Variants in NR3C2 observed in about 807,000 individuals in gnomAD.
NR3C2 encodes nuclear receptor subfamily 3 group C member 2.
In NR3C2, 15 loss-of-function variants were observed where a neutral mutation model predicts 86.4. The ratio of observed to expected loss-of-function variants is 0.17; its 90% confidence interval spans 0.12 to 0.27. The LOEUF is 0.27. Ranked by LOEUF, NR3C2 falls within the 10% of genes least tolerant of loss-of-function variation. The pLI is 1.00. For missense variants in NR3C2, 960 were observed against 1,195.6 expected (o/e 0.80, Z 2.91); for synonymous variants, 458 against 450.5 (o/e 1.02, Z -0.21).
chr4:148,294,166 G>A (rs563504217), intron 2 of NR3C2, among the ~76,000 whole-genome samples: 5 of 152,266 alleles, frequency 3.3e-5, no homozygotes, highest in Admixed American at 1.3e-4. Context: ...TTAGCAATAC[G>A]TGATCTTGAA....
chr4:148,253,256 A>G (rs571013008), intron 3 of NR3C2, among the ~76,000 whole-genome samples: 1 of 152,168 alleles, frequency 6.6e-6, no homozygotes. Flanking sequence ...GATTCCCTCA[A>G]TATCATGTTT....
At chr4:148,178,102 C>T (rs1167590358) in intron 4 of NR3C2, among the ~76,000 whole-genome samples, 3 of 152,188 alleles carry the variant, frequency 2.0e-5, no homozygotes, top group Non-Finnish European at 4.4e-5. Context: ...CTTTGAGAGG[C>T]CAAGGCGGGG....
intron 2 of NR3C2, among the ~76,000 whole-genome samples, chr4:148,332,728 A>G (rs965288966): frequency 1.3e-5 from 2 of 152,206 alleles, no homozygotes; most frequent in African/African-American, 2.4e-5. Flanking sequence ...CAAAGAGCAC[A>G]TGGTGCAATG....
intron 8 of NR3C2, among the ~76,000 whole-genome samples, chr4:148,104,051 C>T (rs146506427): frequency 6.6e-6 from 1 of 152,138 alleles, no homozygotes; most frequent in African/African-American, 2.4e-5. Flanking sequence ...ACAAGTCAGC[C>T]AGAGCAATGT....
chr4:148,366,190 C>CA lies in NR3C2; in HGVS notation c.1757+68913dup, dbSNP rs113149160. Among the ~76,000 whole-genome samples, 415 of 149,476 alleles carry CA rather than the reference C, an allele frequency of 2.8e-3. 1 individual carries two copies. The highest frequency in any genetic ancestry group is 8.2e-3 in the African/African-American group (335 of 40,796). ...GACAAATTTACTTTGGTTTCCAAAT[C>CA]AAAAAAAAATAACAAAGCAGGTGTA... On this transcript the variant is annotated intron_variant, in intron 2 of 8. Transcript: ENST00000358102.
At chr4:148,260,668 T>C (rs1277239500) in intron 2 of NR3C2, among the ~76,000 whole-genome samples, 1 of 152,208 alleles carries the variant, frequency 6.6e-6, no homozygotes, top group Non-Finnish European at 1.5e-5. Context: ...TGTTATCTTA[T>C]ATAGATGTGT....
upstream of NR3C2, chr4:148,444,341 C>T (rs1750492126): frequency 2.0e-6 from 2 of 985,446 alleles, no homozygotes; most frequent in African/African-American, 1.7e-5. Flanking sequence ...ATCACTCGCC[C>T]GCCACCCAGC....
chr4:148,161,543 C>T (rs1369172985), intron 4 of NR3C2, among the ~76,000 whole-genome samples: 6 of 151,938 alleles, frequency 3.9e-5, no homozygotes, highest in Non-Finnish European at 7.4e-5. Flanking sequence ...TTAGTAGAGG[C>T]GGGGTTTTAC....
intron 3 of NR3C2, among the ~76,000 whole-genome samples, chr4:148,205,808 T>G (rs1266354083): frequency 6.6e-6 from 1 of 152,086 alleles, no homozygotes; most frequent in African/African-American, 2.4e-5. Context: ...AACAATAGAT[T>G]TGCATCTTGA....
chr4:148,234,111 C>A (rs1461615234), intron 3 of NR3C2, among the ~76,000 whole-genome samples: 2 of 152,160 alleles, frequency 1.3e-5, no homozygotes, highest in African/African-American at 4.8e-5. Flanking sequence ...CCATCATCCA[C>A]AAGCAATCTC....
intron 2 of NR3C2, among the ~76,000 whole-genome samples, chr4:148,392,820 T>C (rs1323282542): frequency 1.3e-5 from 2 of 152,218 alleles, no homozygotes; most frequent in African/African-American, 2.4e-5. Flanking sequence ...TTCTGGTCCT[T>C]TTAAAGTAAT....
chr4:148,380,478 G>A (rs201135095), intron 2 of NR3C2, among the ~76,000 whole-genome samples: 1 of 152,088 alleles, frequency 6.6e-6, no homozygotes, highest in East Asian at 1.9e-4. Flanking sequence ...GCAATTGCTG[G>A]GTCACATGGG....
chr4:148,305,621 A>C (rs1432936023), intron 2 of NR3C2, among the ~76,000 whole-genome samples: 5 of 152,138 alleles, frequency 3.3e-5, no homozygotes, highest in African/African-American at 1.2e-4. Context: ...CTTTGAGAGA[A>C]CTTCAGGATA....
chr4:148,203,830 G>A (rs1239217398), intron 3 of NR3C2, among the ~76,000 whole-genome samples: 1 of 152,140 alleles, frequency 6.6e-6, no homozygotes, highest in East Asian at 1.9e-4. Context: ...CCCTGCTGCT[G>A]AGGTTTATGA....
chr4:148,260,069 T>C lies in NR3C2; in HGVS notation c.1806A>G (p.Ile602Met), dbSNP rs770827413. The change falls in exon 3 of 9, where the codon ATA becomes ATG. Residue 602 changes from isoleucine to methionine, a missense_variant. Ile to Met is a conservative substitution (Grantham distance 10). This residue lies in a region of NR3C2 where 47 missense variants were observed against 107.3 expected (regional missense o/e 0.44). Coordinates refer to ENST00000358102, the MANE Select transcript of NR3C2 (RefSeq NM_000901.5). Reference protein sequence around the residue: ...VSTGSSRPSKICLVCGDEASG... With the variant: ...VSTGSSRPSKMCLVCGDEASG... ...AAGCCTCATCCCCACACACCAAACA[T>C]ATTTTTGAAGGTCTTGAAGATCCAG... The C allele has an allele frequency of 6.2e-7, 1 of 1,614,052 alleles. No individual in the cohort carries two copies. The highest frequency in any genetic ancestry group is 1.1e-5 in the South Asian group (1 of 91,074).
chr4:148,263,678 T>C (rs1257551746), intron 2 of NR3C2, among the ~76,000 whole-genome samples: 2 of 152,188 alleles, frequency 1.3e-5, no homozygotes, highest in East Asian at 1.9e-4. Context: ...TCATAATGCT[T>C]AACCTTATGC....
chr4:148,093,298 C>T (rs1731140989), intron 8 of NR3C2, among the ~76,000 whole-genome samples: 1 of 152,240 alleles, frequency 6.6e-6, no homozygotes, highest in South Asian at 2.1e-4. Context: ...ACTCCCCGCT[C>T]TCCCTGCTCG....
intron 4 of NR3C2, among the ~76,000 whole-genome samples, chr4:148,180,470 TACTAAC>T (rs1014053440): frequency 6.6e-6 from 1 of 150,710 alleles, no homozygotes; most frequent in Non-Finnish European, 1.5e-5. Context: ...CTCTTCTGCT[TACTAAC>T]ACTGTTAGTG....
chr4:148,245,131 C>A (rs1179646049), intron 3 of NR3C2, among the ~76,000 whole-genome samples: 1 of 152,156 alleles, frequency 6.6e-6, no homozygotes, highest in Non-Finnish European at 1.5e-5. Flanking sequence ...ACTATTTCAT[C>A]AAATAACAGC....
Sources: gnomAD v4.1 joint callset for allele counts (sites outside exome capture counted in the v4.1 genomes callset) on GRCh38, gnomAD v4.1.1 for gene constraint, gnomAD v4.1.1 regional missense constraint, MANE v1.5 for transcripts, NCBI Gene and HGNC (gene_info 2026-07-23, HGNC 2026-07-21) for gene names.